The following TGFBRAP1 variants were observed in gnomAD, a reference collection of about 807,000 sequenced individuals.
TGFBRAP1 encodes the protein transforming growth factor beta receptor associated protein 1.
Under a neutral mutation model 83.2 loss-of-function variants are expected in TGFBRAP1, and 20 were observed. That is an observed-to-expected ratio of 0.24 (90% CI 0.17 to 0.35). TGFBRAP1 has a LOEUF of 0.35. Ranked by LOEUF, TGFBRAP1 falls within the 10% of genes least tolerant of loss-of-function variation. The pLI, the probability that TGFBRAP1 is intolerant of heterozygous loss-of-function variation, is 1.00. For synonymous variants in TGFBRAP1, 415 were observed against 459.8 expected (o/e 0.90, Z 1.25); for missense variants, 950 against 1,099.4 (o/e 0.86, Z 1.92).
chr2:105,276,778 T>G (rs904933157), intron 7 of TGFBRAP1, among the ~76,000 whole-genome samples: 5 of 152,178 alleles, frequency 3.3e-5, no homozygotes, highest in Non-Finnish European at 7.3e-5. Flanking sequence ...AACTCCATTT[T>G]TTGTTGTTGT....
intron 1 of TGFBRAP1, among the ~76,000 whole-genome samples, chr2:105,316,545 GCCTGTAAT>G (rs903413927): frequency 3.3e-5 from 5 of 151,434 alleles, no homozygotes; most frequent in Non-Finnish European, 7.4e-5. Flanking sequence ...AGTGGCTCAT[GCCTGTAAT>G]CCTGTAATCC....
the TGFBRAP1 span, chr2:105,249,563 C>A: frequency 0.25 from 37,936 of 152,070 alleles, 5,666 homozygotes; most frequent in South Asian, 0.43. Context: ...AAAAAAGGCA[C>A]CACATTTAAC....
chr2:105,307,429 C>G (rs189121963), intron 2 of TGFBRAP1, among the ~76,000 whole-genome samples, 185 bp downstream of exon 2: 1 of 152,336 alleles, frequency 6.6e-6, no homozygotes, highest in African/African-American at 2.4e-5. Flanking sequence ...TCCAACCCCA[C>G]GTTCACAGAA....
At chr2:105,291,675 G>A (rs1017101281) in intron 4 of TGFBRAP1, among the ~76,000 whole-genome samples, 6 of 152,176 alleles carry the variant, frequency 3.9e-5, no homozygotes, top group Admixed American at 3.9e-4. Flanking sequence ...GTCACAGAAG[G>A]ACAAATATTG....
the TGFBRAP1 span, among the ~76,000 whole-genome samples, chr2:105,252,909 C>T: frequency 6.6e-6 from 1 of 151,718 alleles, no homozygotes; most frequent in Non-Finnish European, 1.5e-5. Context: ...TCCACCACCA[C>T]ACCCGGACAA....
chr2:105,254,423 C>A, the TGFBRAP1 span, among the ~76,000 whole-genome samples: 6 of 152,102 alleles, frequency 3.9e-5, no homozygotes, highest in African/African-American at 1.4e-4. Context: ...ACTTAGGAGG[C>A]ATTATTCAAG....
At chr2:105,277,088 C>A (rs1048061194) in intron 7 of TGFBRAP1, among the ~76,000 whole-genome samples, 1 of 152,088 alleles carries the variant, frequency 6.6e-6, no homozygotes, top group African/African-American at 2.4e-5. Flanking sequence ...TAAATCGATG[C>A]CATTTTGATT....
intron 4 of TGFBRAP1, among the ~76,000 whole-genome samples, chr2:105,291,611 C>G (rs1352345326): frequency 6.6e-6 from 1 of 152,118 alleles, no homozygotes; most frequent in African/African-American, 2.4e-5. Flanking sequence ...GAAGATTCTT[C>G]CATGCTGCAA....
At chr2:105,290,923 T>C (rs188270057) in intron 4 of TGFBRAP1, among the ~76,000 whole-genome samples, 204 of 152,156 alleles carry the variant, frequency 1.3e-3, no homozygotes, top group African/African-American at 4.7e-3. Flanking sequence ...GGAGAATCCC[T>C]TGAACGCGGG....
At chr2:105,273,789 TC>T in intron 8 of TGFBRAP1, 99 bp from the exon 9 acceptor site, 1 of 1,403,046 alleles carries the variant, frequency 7.1e-7, no homozygotes, top group Non-Finnish European at 9.6e-7. Context: ...GATAAAATCA[TC>T]ACTTAAAATA....
chr2:105,306,627 A>G (rs890040981), intron 2 of TGFBRAP1, among the ~76,000 whole-genome samples: 5 of 151,842 alleles, frequency 3.3e-5, no homozygotes, highest in Non-Finnish European at 7.4e-5. Context: ...GTGAAACCCC[A>G]TCTCTACCAA....
chr2:105,266,595 G>T lies in TGFBRAP1; in HGVS notation c.*788C>A, dbSNP rs1422069429. On this transcript the variant is annotated 3_prime_UTR_variant, in exon 12 of 12. Transcript: ENST00000393359. ...CACAGCTGGGCCCTTGCCCGCCGTG[G>T]GTTTCCCGTGTCCGCGGCTTCTTCA... The T allele has an allele frequency of 6.6e-6, 1 of 152,216 alleles. No individual in the cohort carries two copies. The highest frequency in any genetic ancestry group is 2.4e-5 in the African/African-American group (1 of 41,472). The allele number at this position is 152,216 out of a possible 1,614,324, so 9.4% of individuals were successfully genotyped here.
intron 1 of TGFBRAP1, among the ~76,000 whole-genome samples, chr2:105,322,788 G>A (rs1679106266): frequency 6.6e-6 from 1 of 152,134 alleles, no homozygotes; most frequent in Non-Finnish European, 1.5e-5. Context: ...TGCCCCATGG[G>A]AGATTTCTCA....
chr2:105,298,889 C>T (rs540109032), intron 2 of TGFBRAP1, among the ~76,000 whole-genome samples, 184 bp from the exon 3 acceptor site: 1 of 152,318 alleles, frequency 6.6e-6, no homozygotes, highest in East Asian at 1.9e-4. Context: ...GAATTTATTT[C>T]TGTGAAGAGA....
intron 1 of TGFBRAP1, among the ~76,000 whole-genome samples, chr2:105,325,539 A>T (rs1246113765): frequency 6.6e-6 from 1 of 152,144 alleles, no homozygotes; most frequent in Non-Finnish European, 1.5e-5. Context: ...TTCAGTTCTG[A>T]ACAAAGCAAC....
intron 8 of TGFBRAP1, among the ~76,000 whole-genome samples, chr2:105,275,171 A>T (rs1677294357): frequency 6.6e-6 from 1 of 152,292 alleles, no homozygotes; most frequent in Middle Eastern, 3.4e-3. Flanking sequence ...CCTCCCAAAG[A>T]TCAAGTCCTT....
chr2:105,284,447 C>T (rs772994311), intron 4 of TGFBRAP1, 49 bp from the exon 5 acceptor site: 49 of 1,564,098 alleles, frequency 3.1e-5, no homozygotes, highest in Admixed American at 2.2e-4. Flanking sequence ...GAAACCATCA[C>T]GGCAGGGTTA....
At chr2:105,263,643 C>A (rs968456462), downstream of TGFBRAP1, among the ~76,000 whole-genome samples, 3 of 152,092 alleles carry the variant, frequency 2.0e-5, no homozygotes, top group East Asian at 1.9e-4. Context: ...TTTAGGAGGC[C>A]AAGGCAGGTG....
intron 7 of TGFBRAP1, among the ~76,000 whole-genome samples, chr2:105,276,118 T>C (rs1332525356): frequency 1.1e-4 from 17 of 152,210 alleles, no homozygotes; most frequent in Non-Finnish European, 1.3e-4. Flanking sequence ...ACAGACATTC[T>C]TGATTTTGAA....
Sources: allele counts gnomAD v4.1 joint callset (sites outside exome capture counted in the v4.1 genomes callset), GRCh38; gene constraint gnomAD v4.1.1; transcripts MANE v1.5; gene names NCBI Gene and HGNC (gene_info 2026-07-23, HGNC 2026-07-21).